NAALADL2: variants seen among roughly 807,000 people sequenced by gnomAD.
NAALADL2 encodes inactive N-acetylated-alpha-linked acidic dipeptidase-like protein 2.
In NAALADL2, 76 loss-of-function variants were observed where a neutral mutation model predicts 87.2. The ratio of observed to expected loss-of-function variants is 0.87; its 90% confidence interval spans 0.72 to 1.05. The LOEUF is 1.05. Ranked by LOEUF, NAALADL2 falls within the 50% of genes least tolerant of loss-of-function variation. NAALADL2 has a pLI of 0.00. For missense variants in NAALADL2, 1,089 were observed against 945.8 expected (o/e 1.15, Z -1.99); for synonymous variants, 354 against 331.0 (o/e 1.07, Z -0.75).
chr3:175,233,800 A>G (rs556190086), intron 2 of NAALADL2, 131 bp from the exon 3 acceptor site: 6 of 612,184 alleles, frequency 9.8e-6, no homozygotes, highest in South Asian at 4.2e-5. Context: ...TTCATGTGAT[A>G]GGGTCCTGTC....
intron 6 of NAALADL2, among the ~76,000 whole-genome samples, chr3:175,457,088 G>A (rs145205888): frequency 1.3e-5 from 2 of 151,934 alleles, no homozygotes; most frequent in South Asian, 2.1e-4. Context: ...ATGTACCAGG[G>A]AACAATTTTT....
At chr3:175,586,749 A>G (rs1046164467) in intron 10 of NAALADL2, among the ~76,000 whole-genome samples, 34 of 152,224 alleles carry the variant, frequency 2.2e-4, no homozygotes, top group African/African-American at 8.0e-4. Context: ...TTTTACATAT[A>G]CTACATGCTT....
intron 1 of NAALADL2, among the ~76,000 whole-genome samples, chr3:174,920,987 G>C (rs1020198959): frequency 6.6e-6 from 1 of 152,034 alleles, no homozygotes; most frequent in African/African-American, 2.4e-5. Flanking sequence ...CATCTCACAT[G>C]GTCATGGTCC....
intron 3 of NAALADL2, among the ~76,000 whole-genome samples, chr3:174,752,040 T>G (rs1025980857): frequency 2.0e-5 from 3 of 152,028 alleles, no homozygotes; most frequent in Non-Finnish European, 2.9e-5. Flanking sequence ...TGCAGTGGCG[T>G]GATCTCGGCT....
intron 2 of NAALADL2, among the ~76,000 whole-genome samples, chr3:175,201,819 A>T (rs570474962): frequency 3.4e-4 from 51 of 152,120 alleles, no homozygotes; most frequent in African/African-American, 1.2e-3. Context: ...AAATTTGCAA[A>T]ACTATTGCTA....
chr3:174,632,989 C>T (rs1005086514), intron 2 of NAALADL2, among the ~76,000 whole-genome samples: 6 of 148,234 alleles, frequency 4.0e-5, no homozygotes, highest in Admixed American at 1.3e-4. Flanking sequence ...ATTGCTGGCT[C>T]AAAGTACAGT....
intron 2 of NAALADL2, among the ~76,000 whole-genome samples, chr3:175,183,024 G>T (rs530694535): frequency 6.8e-6 from 1 of 146,822 alleles, no homozygotes; most frequent in Admixed American, 7.1e-5. Flanking sequence ...TATTTGGGAA[G>T]TTTTTTGTGG....
chr3:174,716,341 A>G (rs1731187525), intron 2 of NAALADL2, among the ~76,000 whole-genome samples: 1 of 151,864 alleles, frequency 6.6e-6, no homozygotes, highest in Admixed American at 6.6e-5. Flanking sequence ...TTTTTTGCTT[A>G]TTTTGTTTTG....
At chr3:174,960,513 T>C (rs1040036676) in intron 1 of NAALADL2, among the ~76,000 whole-genome samples, 1 of 152,032 alleles carries the variant, frequency 6.6e-6, no homozygotes, top group Non-Finnish European at 1.5e-5. Flanking sequence ...TGAGTGTTTA[T>C]CTAGAATTAT....
At chr3:175,185,743 A>C (rs899565651) in intron 2 of NAALADL2, among the ~76,000 whole-genome samples, 1 of 150,376 alleles carries the variant, frequency 6.6e-6, no homozygotes, top group Non-Finnish European at 1.5e-5. Context: ...GCTTTTTTAT[A>C]TAATTATTTT....
At chr3:175,138,426 A>G (rs993915574) in intron 2 of NAALADL2, among the ~76,000 whole-genome samples, 4 of 152,032 alleles carry the variant, frequency 2.6e-5, no homozygotes, top group African/African-American at 9.7e-5. Context: ...CTAGTAATAT[A>G]ATTCATAACA....
intron 2 of NAALADL2, among the ~76,000 whole-genome samples, chr3:174,627,276 G>A (rs115258407): frequency 5.3e-5 from 8 of 151,900 alleles, no homozygotes; most frequent in East Asian, 1.9e-4. Context: ...GAAGATACAC[G>A]TCATAGAGTT....
intron 1 of NAALADL2, among the ~76,000 whole-genome samples, chr3:174,896,822 C>G (rs1731593136): frequency 6.6e-6 from 1 of 152,074 alleles, no homozygotes; most frequent in Non-Finnish European, 1.5e-5. Flanking sequence ...GGCATAAAAA[C>G]AGACACATAG....
chr3:174,854,835 C>CTTTT (rs68116968), upstream of NAALADL2, among the ~76,000 whole-genome samples: 11 of 111,994 alleles, frequency 9.8e-5, no homozygotes, highest in East Asian at 2.6e-4. Context: ...GCTTTTTTTT[C>CTTTT]TTTTTTTTTT....
At chr3:174,551,212 T>C (rs957254464) in intron 2 of NAALADL2, 30 of 152,166 alleles carry the variant, frequency 2.0e-4, no homozygotes, top group Non-Finnish European at 2.9e-5. Flanking sequence ...TCTGCTCTTG[T>C]GTTTAAATGC....
intron 1 of NAALADL2, among the ~76,000 whole-genome samples, chr3:174,909,342 C>G (rs1330069863): frequency 6.6e-6 from 1 of 152,030 alleles, no homozygotes; most frequent in Non-Finnish European, 1.5e-5. Flanking sequence ...TCGCCATGAG[C>G]CAAGACAGTG....
chr3:175,352,188 G>T (rs373854552), intron 5 of NAALADL2, among the ~76,000 whole-genome samples: 18 of 151,054 alleles, frequency 1.2e-4, no homozygotes, highest in African/African-American at 4.4e-4. Flanking sequence ...TTTTTTTAAT[G>T]GGGGCTAGGA....
At chr3:174,952,970 C>G (rs1740605124) in intron 1 of NAALADL2, among the ~76,000 whole-genome samples, 1 of 151,900 alleles carries the variant, frequency 6.6e-6, no homozygotes, top group East Asian at 2.0e-4. Flanking sequence ...GAGCTATCTC[C>G]TTAGGGGAAA....
intron 3 of NAALADL2, among the ~76,000 whole-genome samples, chr3:174,810,314 G>T (rs1720030678): frequency 6.6e-6 from 1 of 152,024 alleles, no homozygotes; most frequent in African/African-American, 2.4e-5. Context: ...ACTCCCTAGA[G>T]ACTTGTTGAT....
Sources: gnomAD v4.1 joint callset for allele counts (sites outside exome capture counted in the v4.1 genomes callset) on GRCh38, gnomAD v4.1.1 for gene constraint, MANE v1.5 for transcripts, NCBI Gene and HGNC (gene_info 2026-07-23, HGNC 2026-07-21) for gene names.